Variants in RARS1 observed in about 807,000 individuals in gnomAD.
RARS1 encodes the protein arginine--tRNA ligase, cytoplasmic.
A neutral mutation model predicts 78.7 loss-of-function variants in RARS1; 75 were observed. The ratio of observed to expected loss-of-function variants is 0.95; its 90% confidence interval spans 0.79 to 1.15. RARS1 has a LOEUF of 1.15. Ranked by LOEUF, RARS1 falls within the 50% of genes most tolerant of loss-of-function variation. RARS1 has a pLI of 0.00. For missense variants in RARS1, 787 were observed against 787.5 expected, an observed-to-expected ratio of 1.00 and a Z score of 0.01; for synonymous variants, 273 against 268.2, an observed-to-expected ratio of 1.02 and a Z score of -0.18.
intron 12 of RARS1, among the ~76,000 whole-genome samples, chr5:168,516,028 C>T (rs1758659812): frequency 6.6e-6 from 1 of 151,990 alleles, no homozygotes; most frequent in Non-Finnish European, 1.5e-5. Context: ...GGGTTCTGTC[C>T]CCTTTGTCCA....
chr5:168,510,215 G>A (rs1028952898), intron 11 of RARS1, among the ~76,000 whole-genome samples: 1 of 152,184 alleles, frequency 6.6e-6, no homozygotes, highest in Non-Finnish European at 1.5e-5. Context: ...GCCAAACTTA[G>A]TATTCCAAGA....
At chr5:168,516,347 T>C (rs1758665903) in intron 12 of RARS1, among the ~76,000 whole-genome samples, 1 of 152,196 alleles carries the variant, frequency 6.6e-6, no homozygotes, top group African/African-American at 2.4e-5. Context: ...TGGGTTCTTT[T>C]ATCTACTCTT....
rs549458574 is a variant in RARS1, at chr5:168,493,662, A to G, written c.370-232A>G. ...AAAAAAAAAAAAAAAAAATAGTTCC[A>G]GGTATTTGTGTGTAACGTATTTGGA... is the stretch of plus-strand genomic sequence containing the variant. On this transcript the variant is annotated intron_variant, in intron 3 of 14. Transcript: ENST00000231572. Among the ~76,000 whole-genome samples, 37 of 148,788 alleles carry G rather than the reference A, an allele frequency of 2.5e-4. No homozygotes were observed. In the South Asian group the frequency reaches 7.6e-3, roughly 31 times the overall value.
chr5:168,517,747 G>A, intron 13 of RARS1, 68 bp from the exon 14 acceptor site: 1 of 1,135,406 alleles, frequency 8.8e-7, no homozygotes, highest in South Asian at 1.4e-5. Context: ...AATTTCGAGT[G>A]GAGAATGAGT....
At chr5:168,514,334 C>T (rs2113031317) in intron 12 of RARS1, among the ~76,000 whole-genome samples, 1 of 152,266 alleles carries the variant, frequency 6.6e-6, no homozygotes, top group East Asian at 1.9e-4. Flanking sequence ...ATTTTTGGTA[C>T]TCCAAGTACA....
intron 6 of RARS1, among the ~76,000 whole-genome samples, chr5:168,496,244 T>C (rs1758182686): frequency 6.6e-6 from 1 of 151,378 alleles, no homozygotes; most frequent in Non-Finnish European, 1.5e-5. Context: ...CTGGGTGTGG[T>C]GGTGCACACC....
chr5:168,512,427 C>T (rs781344368), intron 12 of RARS1, among the ~76,000 whole-genome samples: 5 of 152,264 alleles, frequency 3.3e-5, no homozygotes, highest in African/African-American at 7.2e-5. Context: ...CCGTTGTATA[C>T]TCCCACTACT....
chr5:168,490,066 G>A lies in RARS1; in HGVS notation c.180+1330G>A, dbSNP rs138783011. 2.0e-3 allele frequency among the ~76,000 whole-genome samples: 298 copies of A among 152,200 alleles called. 1 individual carries two copies. Among genetic ancestry groups the A allele is most frequent in the Middle Eastern group, 0.01 (3 of 294 alleles). On this transcript the variant is annotated intron_variant, in intron 2 of 14. Coordinates refer to ENST00000231572, the MANE Select transcript of RARS1 (RefSeq NM_002887.4). Reference sequence around the variant, plus strand: ...TGACCTCAGGTGATCTGCCTGTCTCGCCTTCCCAAAGTGCTGGGATTACAG... The same window carrying A: ...TGACCTCAGGTGATCTGCCTGTCTCACCTTCCCAAAGTGCTGGGATTACAG...
At chr5:168,517,679 A>C in intron 13 of RARS1, 136 bp from the exon 14 acceptor site, 1 of 1,236,672 alleles carries the variant, frequency 8.1e-7, no homozygotes, top group East Asian at 2.6e-5. Flanking sequence ...GTTTTGCCTA[A>C]TAGTATATCG....
chr5:168,493,520 A>G (rs1758125117), intron 3 of RARS1, among the ~76,000 whole-genome samples: 1 of 151,762 alleles, frequency 6.6e-6, no homozygotes. Context: ...TTGTAATCCC[A>G]GCTACTAGGG....
intron 2 of RARS1, 91 bp from the exon 3 acceptor site, chr5:168,492,568 T>G: frequency 8.8e-7 from 1 of 1,131,552 alleles, no homozygotes; most frequent in South Asian, 1.6e-5. Context: ...TCTTAAGATA[T>G]TTGGAGGTTT....
intron 7 of RARS1, among the ~76,000 whole-genome samples, chr5:168,500,200 CAA>C (rs36015007): frequency 3.1e-4 from 15 of 47,778 alleles, no homozygotes; most frequent in African/African-American, 8.0e-4. Flanking sequence ...GACTCTGTCT[CAA>C]AAAAAAAAAA....
chr5:168,495,349 AAG>A lies in RARS1; in HGVS notation c.618_619del (p.Glu206AspfsTer20). Reference sequence around the variant, plus strand: ...GACTTTTCCTCCCCTAATATAGCTAAAGAGATGCATGTAGGCCACCTGAGGTC... The same window carrying A: ...GACTTTTCCTCCCCTAATATAGCTAAAGATGCATGTAGGCCACCTGAGGTC... On this transcript the variant is annotated frameshift_variant, in exon 6 of 15. Coordinates refer to ENST00000231572, the MANE Select transcript of RARS1 (RefSeq NM_002887.4). LOFTEE classifies it high-confidence loss of function. 6.2e-7 allele frequency: 1 copy of A among 1,613,910 alleles called. No individual in the cohort carries two copies. The highest frequency in any genetic ancestry group is 8.5e-7 in the Non-Finnish European group (1 of 1,179,874).
intron 9 of RARS1, among the ~76,000 whole-genome samples, chr5:168,505,614 C>T (rs1329397702): frequency 6.6e-6 from 1 of 151,456 alleles, no homozygotes; most frequent in African/African-American, 2.4e-5. Flanking sequence ...TGGCTCACAC[C>T]TGTAATCCCA....
At chr5:168,487,822 G>C (rs756750657) in intron 1 of RARS1, among the ~76,000 whole-genome samples, 1 of 152,182 alleles carries the variant, frequency 6.6e-6, no homozygotes, top group Non-Finnish European at 1.5e-5. Context: ...GTCTAGTCTA[G>C]GACCTAAGAC....
intron 9 of RARS1, among the ~76,000 whole-genome samples, chr5:168,502,711 A>G (rs1182012609): frequency 1.3e-5 from 2 of 151,458 alleles, no homozygotes; most frequent in Non-Finnish European, 2.9e-5. Flanking sequence ...AGCAGGAATT[A>G]CACACATGCA....
At chr5:168,493,846 A>G in intron 3 of RARS1, 48 bp from the exon 4 acceptor site, 3 of 1,477,642 alleles carry the variant, frequency 2.0e-6, no homozygotes, top group Non-Finnish European at 2.8e-6. Context: ...TTTGCGAGTA[A>G]CTTGCTGAAA....
At chr5:168,500,741 C>G (rs746341334) in intron 8 of RARS1, 21 bp downstream of exon 8, 1 of 1,604,970 alleles carries the variant, frequency 6.2e-7, no homozygotes, top group Admixed American at 1.7e-5. Context: ...GGGCTTTGTT[C>G]CTTCGTCCAG....
intron 9 of RARS1, among the ~76,000 whole-genome samples, chr5:168,504,641 C>T (rs1031634558): frequency 1.3e-4 from 20 of 151,744 alleles, no homozygotes; most frequent in Non-Finnish European, 2.6e-4. Flanking sequence ...CTGGCTAACA[C>T]GGTGAAACCC....
Sources: allele counts gnomAD v4.1 joint callset (sites outside exome capture counted in the v4.1 genomes callset), GRCh38; gene constraint gnomAD v4.1.1; transcripts MANE v1.5; gene names NCBI Gene and HGNC (gene_info 2026-07-23, HGNC 2026-07-21).